The following GGNBP2 variants were observed in gnomAD, a reference collection of about 807,000 sequenced individuals.
GGNBP2 encodes gametogenetin binding protein 2, also known as gametogenetin-binding protein 2.
In GGNBP2, 10 loss-of-function variants were observed where a neutral mutation model predicts 85.9. The ratio of observed to expected loss-of-function variants is 0.12; its 90% confidence interval spans 0.07 to 0.20. The LOEUF (loss-of-function observed/expected upper bound fraction) is 0.20, where lower values mean the gene tolerates loss of function less well. GGNBP2 is among the 10% of genes least tolerant of loss of function. GGNBP2 has a pLI of 1.00. For synonymous variants in GGNBP2, 287 were observed against 285.7 expected (o/e 1.00, Z -0.05); for missense variants, 595 against 857.8 (o/e 0.69, Z 3.83).
rs2074735067 is a variant in GGNBP2, at chr17:36,589,351, G to A, written c.2034G>A (p.Arg678=). The change falls in exon 14 of 14, where the codon CGG becomes CGA. Residue 678 remains arginine, a synonymous_variant. Transcript: ENST00000613102. ...AGGAGAAATTTAATAAATACTGCCG[G>A]TTAAATGATCACAAGAGGCCCATTT... is the stretch of plus-strand genomic sequence containing the variant. ...HLKEKFNKYC[R]LNDHKRPICS... is the part of the protein sequence containing the mutation. 1 of 1,614,020 alleles carries A rather than the reference G, an allele frequency of 6.2e-7. No homozygotes were observed. Among genetic ancestry groups the A allele is most frequent in the South Asian group, 1.1e-5 (1 of 91,086 alleles).
At position 36,546,050 on chromosome 17, in the gene GGNBP2, T is replaced by C. The variant is rs568524510; in HGVS notation, c.93+233T>C. Reference sequence around the variant, plus strand: ...ACTCCCTCTCTCCAGATTTTCCTTCTTTTGGAACCTTATTCCTTGACCCTT... The same window carrying C: ...ACTCCCTCTCTCCAGATTTTCCTTCCTTTGGAACCTTATTCCTTGACCCTT... On this transcript the variant is annotated intron_variant, in intron 2 of 13. Coordinates refer to ENST00000613102, the MANE Select transcript of GGNBP2 (RefSeq NM_024835.5). 1.0e-5 allele frequency: 5 copies of C among 498,186 alleles called. No individual in the cohort carries two copies. In the East Asian group the frequency reaches 1.3e-4, roughly 12 times the overall value. The allele number at this position is 498,186 out of a possible 1,614,324, so 30.9% of individuals were successfully genotyped here.
chr17:36,587,293 G>A (rs1194268541), intron 13 of GGNBP2, 48 bp downstream of exon 13: 3 of 1,592,506 alleles, frequency 1.9e-6, no homozygotes, highest in Non-Finnish European at 2.6e-6. Flanking sequence ...TGGGAACGGG[G>A]TGGATGTGGG....
chr17:36,588,431 A>G (rs2074724609), intron 13 of GGNBP2, among the ~76,000 whole-genome samples: 1 of 151,758 alleles, frequency 6.6e-6, no homozygotes, highest in Non-Finnish European at 1.5e-5. Flanking sequence ...CTAATTTTGT[A>G]TTTTTAGTAG....
At chr17:36,583,834 G>A (rs2074674971) in intron 9 of GGNBP2, among the ~76,000 whole-genome samples, 1 of 152,138 alleles carries the variant, frequency 6.6e-6, no homozygotes, top group Non-Finnish European at 1.5e-5. Flanking sequence ...TTGACCAGTG[G>A]TAGTTTCTAA....
intron 12 of GGNBP2, 142 bp downstream of exon 12, chr17:36,586,340 C>T (rs956183330): frequency 3.9e-6 from 4 of 1,030,696 alleles, no homozygotes; most frequent in Non-Finnish European, 2.7e-6. Flanking sequence ...ATTGGGTGCT[C>T]ATCGTGTGAG....
At chr17:36,568,691 A>T (rs185861128) in intron 6 of GGNBP2, among the ~76,000 whole-genome samples, 1 of 152,012 alleles carries the variant, frequency 6.6e-6, no homozygotes, top group Admixed American at 6.5e-5. Flanking sequence ...GTTGATATTC[A>T]TGTGTTTTGT....
rs1347900244 is a variant in GGNBP2, at chr17:36,545,666, G to A, written c.-59G>A. ...AGCGGCGGCGGCAGAAACAGCAGCG[G>A]CGGCGGCGGCGGCAGCTGGGAGGAG... On this transcript the variant is annotated 5_prime_UTR_variant, in exon 2 of 14. Coordinates refer to ENST00000613102, the MANE Select transcript of GGNBP2 (RefSeq NM_024835.5). The A allele has an allele frequency of 4.5e-6, 6 of 1,332,756 alleles. No homozygotes were observed. The highest frequency in any genetic ancestry group is 2.9e-5 in the African/African-American group (2 of 68,530). The allele number at this position is 1,332,756 out of a possible 1,614,324, so 82.6% of individuals were successfully genotyped here.
At chr17:36,566,051 G>A (rs187733410) in intron 5 of GGNBP2, among the ~76,000 whole-genome samples, 1 of 152,300 alleles carries the variant, frequency 6.6e-6, no homozygotes, top group Non-Finnish European at 1.5e-5. Context: ...TACATTTTAG[G>A]CAGAGGGTTG....
At chr17:36,571,644 A>G (rs1313876960) in intron 6 of GGNBP2, among the ~76,000 whole-genome samples, 1 of 151,796 alleles carries the variant, frequency 6.6e-6, no homozygotes. Context: ...GATTGAGACT[A>G]TCCTGGCTAA....
chr17:36,574,083 A>G (rs2074552799), intron 6 of GGNBP2, among the ~76,000 whole-genome samples: 1 of 151,976 alleles, frequency 6.6e-6, no homozygotes, highest in African/African-American at 2.4e-5. Context: ...TACTCTGTTG[A>G]TCATCTTTGC....
At chr17:36,565,971 A>G (rs546457896) in intron 5 of GGNBP2, among the ~76,000 whole-genome samples, 6 of 152,336 alleles carry the variant, frequency 3.9e-5, no homozygotes, top group Admixed American at 2.0e-4. Flanking sequence ...TGTTGTCACA[A>G]ATAAGGGGAG....
chr17:36,585,158 C>A (rs2074688329), intron 9 of GGNBP2, 142 bp from the exon 10 acceptor site: 1 of 664,652 alleles, frequency 1.5e-6, no homozygotes, highest in South Asian at 2.1e-5. Flanking sequence ...CCCACCATTA[C>A]TTTTGTACTG....
intron 2 of GGNBP2, among the ~76,000 whole-genome samples, chr17:36,553,363 T>C (rs548424651): frequency 6.6e-6 from 1 of 152,318 alleles, no homozygotes; most frequent in East Asian, 1.9e-4. Context: ...CTCATATTCC[T>C]CCGTTATCAA....
chr17:36,547,250 A>G (rs1252608350), intron 2 of GGNBP2: 1 of 152,128 alleles, frequency 6.6e-6, no homozygotes, highest in Non-Finnish European at 1.5e-5. Context: ...ATAGGGATTC[A>G]TTTGTTGATA....
chr17:36,557,158 T>G lies in GGNBP2; in HGVS notation c.250T>G (p.Ser84Ala). Residue 84 changes from serine (S) to alanine (A), a missense_variant, in exon 4 of 14, where the codon TCT (serine) becomes GCT (alanine). This residue lies in a region of GGNBP2 where 216 missense variants were observed against 293.4 expected (regional missense o/e 0.74). Coordinates refer to ENST00000613102, the MANE Select transcript of GGNBP2 (RefSeq NM_024835.5). ...VTSREVLSAL[S>A]QLVPCVGCRR... ...ATCACGCGAAGTCCTGAGTGCACTT[T>G]CTCAGCTTGTCCCATGTGTTGGTTG... is the stretch of plus-strand genomic sequence containing the variant. The G allele has an allele frequency of 6.2e-7, 1 of 1,614,152 alleles. No homozygotes were observed. Among genetic ancestry groups the G allele is most frequent in the Non-Finnish European group, 8.5e-7 (1 of 1,180,016 alleles).
chr17:36,558,141 C>T (rs1350512865), intron 4 of GGNBP2, among the ~76,000 whole-genome samples: 1 of 151,690 alleles, frequency 6.6e-6, no homozygotes, highest in East Asian at 2.0e-4. Context: ...CGACTGGGCG[C>T]GGTGGCTCAC....
chr17:36,567,339 A>C (rs115812192), intron 5 of GGNBP2, among the ~76,000 whole-genome samples: 1 of 152,208 alleles, frequency 6.6e-6, no homozygotes, highest in East Asian at 1.9e-4. Context: ...ATTTGTAAAC[A>C]TGTTCTAATA....
rs151184499 is a variant in GGNBP2, at chr17:36,567,696, G to T, written c.561G>T (p.Ser187=). 2.9e-5 allele frequency: 46 copies of T among 1,604,700 alleles called. No individual in the cohort carries two copies. Among genetic ancestry groups the T allele is most frequent in the African/African-American group, 4.0e-5 (3 of 74,714 alleles). ...GCWMDVWELM[S]QECRDEVVLI... ...GGATGGATGTATGGGAACTAATGTC[G>T]CAGGAATGCAGGGATGAAGTAGTTT... Residue 187 remains serine, a synonymous_variant, in exon 6 of 14, where the codon TCG becomes TCT. Coordinates refer to ENST00000613102, the MANE Select transcript of GGNBP2 (RefSeq NM_024835.5).
intron 6 of GGNBP2, 74 bp from the exon 7 acceptor site, chr17:36,577,909 C>G: frequency 8.7e-7 from 1 of 1,145,078 alleles, no homozygotes; most frequent in Non-Finnish European, 1.3e-6. Flanking sequence ...GTGCCATCAT[C>G]TAGTACACTG....
Sources: gnomAD v4.1 joint callset for allele counts (sites outside exome capture counted in the v4.1 genomes callset) on GRCh38, gnomAD v4.1.1 for gene constraint, gnomAD v4.1.1 regional missense constraint, MANE v1.5 for transcripts, NCBI Gene and HGNC (gene_info 2026-07-23, HGNC 2026-07-21) for gene names.